STAU1: variants seen among roughly 807,000 people sequenced by gnomAD.
STAU1 encodes the protein double-stranded RNA-binding protein Staufen homolog 1.
STAU1 carries 13 observed loss-of-function variants against 62.9 expected under a neutral mutation model. That is an observed-to-expected ratio of 0.21 (90% CI 0.13 to 0.33). The LOEUF is 0.33. STAU1 is among the 10% of genes least tolerant of loss of function. STAU1 has a pLI of 1.00. For missense variants in STAU1, 571 were observed against 712.1 expected, an observed-to-expected ratio of 0.80 and a Z score of 2.25; for synonymous variants, 269 against 265.1, an observed-to-expected ratio of 1.01 and a Z score of -0.14.
intron 2 of STAU1, among the ~76,000 whole-genome samples, chr20:49,169,096 G>A (rs529820495): frequency 7.2e-5 from 11 of 151,936 alleles, no homozygotes; most frequent in African/African-American, 2.4e-4. Flanking sequence ...GATTACAGGC[G>A]TGTACCACCA....
chr20:49,193,868 C>G, the STAU1 span, among the ~76,000 whole-genome samples: 3 of 150,836 alleles, frequency 2.0e-5, no homozygotes, highest in East Asian at 5.9e-4. Context: ...ACTCAGGAGG[C>G]TGAGTCAGGA....
Position 49,117,246 on chromosome 20 carries a change from A to G in STAU1, c.1512T>C (p.Val504=). Residue 504 remains valine, a splice_region_variant and synonymous_variant, in exon 12 of 14, where the codon GTT becomes GTC. Coordinates refer to ENST00000371856, the MANE Select transcript of STAU1 (RefSeq NM_017453.4). This position sits in a 1 kb window ranked among gnomAD's most constrained non-coding sequence, Gnocchi z 4.6. ...TGTTTTTGGGGAAGTCTTTGTATTC[A>G]ACCTAAGGGGGAAAAGAGAGCTGAG... The part of the protein sequence containing the change: ...DYLSRVQGFQ[V]EYKDFPKNNK... 1 of 1,614,130 alleles carries G rather than the reference A, an allele frequency of 6.2e-7. No individual in the cohort carries two copies. Among genetic ancestry groups the G allele is most frequent in the Non-Finnish European group, 8.5e-7 (1 of 1,179,992 alleles).
rs1555837188 is a variant in STAU1, at chr20:49,126,577, A to AAAAAAAAAAAACAAAAAAAAAAC, written c.610-1991_610-1990insGTTTTTTTTTTGTTTTTTTTTTT. 4.3e-4 allele frequency among the ~76,000 whole-genome samples: 15 copies of AAAAAAAAAAAACAAAAAAAAAAC among 35,060 alleles called. 1 individual carries two copies. Among genetic ancestry groups the AAAAAAAAAAAACAAAAAAAAAAC allele is most frequent in the African/African-American group, 1.3e-3 (9 of 6,972 alleles). The allele number at this position is 35,060 out of a possible 152,430, so 23.0% of individuals were successfully genotyped here. A position where few individuals can be genotyped will look rare whatever the true frequency, so the allele number is the denominator to read the frequency against. On this transcript the variant is annotated intron_variant, in intron 6 of 13. Transcript: ENST00000371856. ...AGCAAAACCTCGTCTCAAAAAGCAAAAAAAAAAAAACAAAAAAAAAACAAA... is the reference window on the plus strand; with the variant it reads ...AGCAAAACCTCGTCTCAAAAAGCAAAAAAAAAAAAAACAAAAAAAAAACAAAAAAAAAACAAAAAAAAAACAAA...
At chr20:49,205,744 G>A in the STAU1 span, among the ~76,000 whole-genome samples, 2 of 150,380 alleles carry the variant, frequency 1.3e-5, no homozygotes, top group Non-Finnish European at 3.0e-5. Flanking sequence ...ACACAATCTT[G>A]GCTCATCACA....
chr20:49,156,496 TTTGGCCCATGCATAAGACCTGGATTCC>T (rs778006730), intron 3 of STAU1, among the ~76,000 whole-genome samples: 33 of 152,194 alleles, frequency 2.2e-4, no homozygotes, highest in Non-Finnish European at 4.3e-4. Context: ...AAGGTACCTG[TTTGGCCCATGCATAAGACCTGGATTCC>T]TTCCTTCGCT....
chr20:49,173,933 G>T (rs2093628241), intron 2 of STAU1, among the ~76,000 whole-genome samples: 1 of 152,172 alleles, frequency 6.6e-6, no homozygotes, highest in Non-Finnish European at 1.5e-5. Flanking sequence ...TATTGAGCCA[G>T]TCATGTTTAA....
intron 6 of STAU1, among the ~76,000 whole-genome samples, chr20:49,127,283 G>C (rs779009008): frequency 7.9e-5 from 12 of 152,184 alleles, no homozygotes; most frequent in Non-Finnish European, 1.5e-4. Context: ...GAACCCAGGA[G>C]ACGGAGGTTG....
the STAU1 span, among the ~76,000 whole-genome samples, chr20:49,212,615 A>ATTTTTTTTT: frequency 1.1e-4 from 9 of 85,178 alleles, 4 homozygotes; most frequent in Non-Finnish European, 1.5e-4. Flanking sequence ...AGCTATTGGA[A>ATTTTTTTTT]TTTTTTTTTT....
At chr20:49,134,434 G>GAAAAAAAAAAAAAAAAAAAAAAAC in intron 6 of STAU1, 1 of 361,966 alleles carries the variant, frequency 2.8e-6, no homozygotes, top group Non-Finnish European at 5.0e-6. Flanking sequence ...TCATCTCAGG[G>GAAAAAAAAAAAAAAAAAAAAAAAC]AAAAAAAAAA....
At chr20:49,159,587 G>A (rs1033805078) in intron 3 of STAU1, among the ~76,000 whole-genome samples, 2 of 152,072 alleles carry the variant, frequency 1.3e-5, no homozygotes, top group Non-Finnish European at 2.9e-5. Context: ...TTGATAAAGG[G>A]TCTCACTCTG....
rs756975159 is a variant in STAU1 at position 49,117,122 on chromosome 20, G to A, written c.1632+4C>T. The A allele has an allele frequency of 5.6e-6, 9 of 1,614,018 alleles. No individual in the cohort carries two copies. Among genetic ancestry groups the A allele is most frequent in the Non-Finnish European group, 6.8e-6 (8 of 1,179,946 alleles). On this transcript the variant is annotated splice_donor_region_variant and intron_variant, in intron 12 of 13. Transcript: ENST00000371856. The surrounding 1 kb of genome is among the most constrained non-coding windows in gnomAD (Gnocchi z 4.6). ...CCCAATCCCTCACCCAAGGTGTGACGTACCATATCATGGCAGGACTCCACA... is the reference window on the plus strand; with the variant it reads ...CCCAATCCCTCACCCAAGGTGTGACATACCATATCATGGCAGGACTCCACA...
intron 9 of STAU1, 151 bp from the exon 10 acceptor site, chr20:49,118,559 T>C: frequency 1.6e-6 from 1 of 638,278 alleles, no homozygotes; most frequent in East Asian, 2.7e-5. Flanking sequence ...ACTGGCACCC[T>C]GACAGACACC....
the STAU1 span, among the ~76,000 whole-genome samples, chr20:49,217,770 C>T: frequency 2.0e-5 from 3 of 148,678 alleles, no homozygotes; most frequent in Non-Finnish European, 3.0e-5. Flanking sequence ...TCGCTTGAAC[C>T]CAGGAGGTGG....
chr20:49,215,804 T>G, the STAU1 span, among the ~76,000 whole-genome samples: 1 of 151,572 alleles, frequency 6.6e-6, no homozygotes, highest in Non-Finnish European at 1.5e-5. Flanking sequence ...GCCAGGAGTT[T>G]GAGACCAGAC....
Position 49,117,804 on chromosome 20 carries a change from G to C in STAU1, c.1482C>G (p.Asp494Glu). 1.2e-6 allele frequency: 2 copies of C among 1,613,356 alleles called. No individual in the cohort carries two copies. The highest frequency in any genetic ancestry group is 1.7e-6 in the Non-Finnish European group (2 of 1,179,678). ...GGAATCCCTGGACTCTGGAAAGATA[G>C]TCCAGTTGCTCAGAGGGTCTCGTGA... is the stretch of plus-strand genomic sequence containing the variant. The part of the protein sequence containing the change: ...GPLTRPSEQL[D>E]YLSRVQGFQV... Residue 494 changes from aspartate (D) to glutamate (E), a missense_variant, in exon 11 of 14, where the codon GAC becomes GAG. Physicochemically the swap from Asp to Glu is conservative, Grantham distance 45. Around this residue, in one of 3 missense-constraint regions of STAU1, gnomAD observed 156 missense variants for 194.7 expected, o/e 0.80. Coordinates refer to ENST00000371856, the MANE Select transcript of STAU1 (RefSeq NM_017453.4). This position sits in a 1 kb window ranked among gnomAD's most constrained non-coding sequence, Gnocchi z 4.6.
rs754213088 is a variant in STAU1 at position 49,124,539 on chromosome 20, C to T, written c.658G>A (p.Val220Ile). The T allele has an allele frequency of 1.2e-6, 2 of 1,614,096 alleles. No homozygotes were observed. Among genetic ancestry groups the T allele is most frequent in the Non-Finnish European group, 1.7e-6 (2 of 1,180,018 alleles). ...TCCCCCACAAACTCCCCAACCGAAA[C>T]CTTGGTCACAAAGTTCTTCATGTGG... ...PPHMKNFVTK[V>I]SVGEFVGEGE... The change falls in exon 7 of 14, where the codon GTT becomes ATT. Residue 220 changes from valine (V) to isoleucine (I), a missense_variant. Physicochemically the swap from Val to Ile is conservative, Grantham distance 29. Transcript: ENST00000371856.
chr20:49,129,858 C>T (rs2092714493), intron 6 of STAU1, among the ~76,000 whole-genome samples: 1 of 152,046 alleles, frequency 6.6e-6, no homozygotes, highest in East Asian at 1.9e-4. Flanking sequence ...TAACTCCTGA[C>T]CTCAAGTGAT....
chr20:49,126,574 CA>C lies in STAU1; in HGVS notation c.610-1988del, dbSNP rs58056780. On this transcript the variant is annotated intron_variant, in intron 6 of 13. Coordinates refer to ENST00000371856, the MANE Select transcript of STAU1 (RefSeq NM_017453.4). ...CAGAGCAAAACCTCGTCTCAAAAAG[CA>C]AAAAAAAAAAAACAAAAAAAAAACA... is the stretch of plus-strand genomic sequence containing the variant. 6.4e-4 allele frequency among the ~76,000 whole-genome samples: 16 copies of C among 25,050 alleles called. 1 individual carries two copies. Among genetic ancestry groups the C allele is most frequent in the South Asian group, 1.4e-3 (1 of 714 alleles). 16.4% of individuals were successfully genotyped at this position (25,050 alleles called of 152,430 possible).
chr20:49,211,699 G>A, the STAU1 span, among the ~76,000 whole-genome samples: 21 of 151,896 alleles, frequency 1.4e-4, no homozygotes, highest in Admixed American at 1.3e-3. Context: ...GTAGAGACGG[G>A]GTTTTACCAT....
Sources: allele counts gnomAD v4.1 joint callset (sites outside exome capture counted in the v4.1 genomes callset), GRCh38; gene constraint gnomAD v4.1.1; regional missense constraint gnomAD v4.1.1; non-coding constraint Gnocchi (gnomAD v3.1); transcripts MANE v1.5; gene names NCBI Gene and HGNC (gene_info 2026-07-23, HGNC 2026-07-21).